MEF2A: variants seen among roughly 807,000 people sequenced by gnomAD.
The protein encoded by MEF2A is myocyte-specific enhancer factor 2A.
In MEF2A, 28 loss-of-function variants were observed where a neutral mutation model predicts 55.8. That is an observed-to-expected ratio of 0.50 (90% CI 0.37 to 0.69). The LOEUF (loss-of-function observed/expected upper bound fraction) is 0.69. Among genes scored for constraint, MEF2A ranks in the 30% least tolerant of loss-of-function variants. The pLI, the probability that MEF2A is intolerant of heterozygous loss-of-function variation, is 0.00. For missense variants in MEF2A, 528 were observed against 626.2 expected, an observed-to-expected ratio of 0.84 and a Z score of 1.67; for synonymous variants, 239 against 227.1, an observed-to-expected ratio of 1.05 and a Z score of -0.47.
chr15:99,587,549 G>T (rs562921970), intron 1 of MEF2A, among the ~76,000 whole-genome samples: 1 of 152,130 alleles, frequency 6.6e-6, no homozygotes, highest in Non-Finnish European at 1.5e-5. Context: ...TATCACAACA[G>T]TATTAACTGA....
intron 2 of MEF2A, among the ~76,000 whole-genome samples, chr15:99,631,198 G>T (rs1454325136): frequency 6.6e-6 from 1 of 152,188 alleles, no homozygotes; most frequent in Non-Finnish European, 1.5e-5. Context: ...GTAGTACACT[G>T]TATCCATCTT....
chr15:99,665,684 A>G (rs767232270), intron 4 of MEF2A, among the ~76,000 whole-genome samples: 85 of 148,290 alleles, frequency 5.7e-4, no homozygotes, highest in East Asian at 2.0e-3. Flanking sequence ...CGATCTATCC[A>G]TCTGACAAAG....
chr15:99,622,201 A>T (rs958370561), intron 2 of MEF2A, among the ~76,000 whole-genome samples: 1 of 152,200 alleles, frequency 6.6e-6, no homozygotes, highest in Non-Finnish European at 1.5e-5. Context: ...AAAACATGAC[A>T]CATTTTTTTC....
At chr15:99,706,677 A>C (rs1296303532) in intron 9 of MEF2A, 52 bp from the exon 10 acceptor site, 1 of 1,584,258 alleles carries the variant, frequency 6.3e-7, no homozygotes, top group Non-Finnish European at 8.7e-7. Flanking sequence ...GTGATTTTTA[A>C]GTCAACATAA....
chr15:99,668,440 A>G (rs906235349), intron 4 of MEF2A, among the ~76,000 whole-genome samples: 9 of 152,216 alleles, frequency 5.9e-5, no homozygotes, highest in Admixed American at 4.6e-4. Flanking sequence ...TTATTTTGGC[A>G]CAATTGAGTT....
In MEF2A at chr15:99,628,963, A is replaced by ATTTTTTT. The variant is rs71149483; in HGVS notation, c.-142-4004_-142-3998dup. Among the ~76,000 whole-genome samples, 642 of 133,710 alleles carry ATTTTTTT rather than the reference A, an allele frequency of 4.8e-3. 5 individuals carry two copies. Among genetic ancestry groups the ATTTTTTT allele is most frequent in the African/African-American group, 0.012 (426 of 35,412 alleles). The allele number at this position is 133,710 out of a possible 152,430, so 87.7% of individuals were successfully genotyped here. A position where few individuals can be genotyped will look rare whatever the true frequency, so the allele number is the denominator to read the frequency against. On this transcript the variant is annotated intron_variant, in intron 2 of 11. Transcript: ENST00000557942. ...TCTATTTTGCCTTCATTTCAGAAGG[A>ATTTTTTT]TTTTTTTTTTTTTTTTTGTCAGATA...
chr15:99,618,974 A>G (rs563583746), intron 2 of MEF2A, among the ~76,000 whole-genome samples: 1 of 152,252 alleles, frequency 6.6e-6, no homozygotes, highest in Non-Finnish European at 1.5e-5. Context: ...TACTGGATCT[A>G]GGAAGATCTA....
intron 3 of MEF2A, among the ~76,000 whole-genome samples, chr15:99,638,085 A>G (rs1442618282): frequency 2.6e-5 from 4 of 152,198 alleles, no homozygotes; most frequent in African/African-American, 9.7e-5. Context: ...AAAAATGTCT[A>G]TTCAAATCCT....
chr15:99,652,201 G>A (rs995512654), intron 4 of MEF2A, among the ~76,000 whole-genome samples: 2 of 152,144 alleles, frequency 1.3e-5, no homozygotes, highest in Admixed American at 1.3e-4. Flanking sequence ...GGTTGGGGGT[G>A]GGAGGAATGT....
chr15:99,624,972 G>C (rs979759694), intron 2 of MEF2A, among the ~76,000 whole-genome samples: 1 of 152,122 alleles, frequency 6.6e-6, no homozygotes, highest in Non-Finnish European at 1.5e-5. Flanking sequence ...TGAAAGTGTT[G>C]AATTAATTAC....
intron 2 of MEF2A, among the ~76,000 whole-genome samples, chr15:99,613,801 G>GC (rs2039713052): frequency 6.6e-6 from 1 of 152,186 alleles, no homozygotes; most frequent in Non-Finnish European, 1.5e-5. Context: ...TTTTAACGGG[G>GC]AACGTATTGA....
At chr15:99,707,910 A>G (rs2058217432) in intron 10 of MEF2A, among the ~76,000 whole-genome samples, 1 of 151,474 alleles carries the variant, frequency 6.6e-6, no homozygotes, top group African/African-American at 2.4e-5. Flanking sequence ...GTTCTTTTAA[A>G]ACAGAATCAA....
At chr15:99,584,123 A>G (rs1349496856) in intron 1 of MEF2A, among the ~76,000 whole-genome samples, 3 of 152,186 alleles carry the variant, frequency 2.0e-5, no homozygotes, top group African/African-American at 7.2e-5. Context: ...ATGGTATAAA[A>G]GATAAAAAAT....
intron 4 of MEF2A, among the ~76,000 whole-genome samples, chr15:99,656,191 G>T (rs1160199781): frequency 6.6e-6 from 1 of 152,090 alleles, no homozygotes; most frequent in East Asian, 1.9e-4. Context: ...AACACTCAGT[G>T]TGTAGGAGGT....
At chr15:99,578,158 C>T (rs367739890) in intron 1 of MEF2A, among the ~76,000 whole-genome samples, 4 of 152,322 alleles carry the variant, frequency 2.6e-5, no homozygotes, top group African/African-American at 9.6e-5. Flanking sequence ...TCTGTGATAC[C>T]TACTACTGTA....
intron 7 of MEF2A, among the ~76,000 whole-genome samples, chr15:99,685,128 A>G (rs2053967577): frequency 6.6e-6 from 1 of 152,112 alleles, no homozygotes; most frequent in African/African-American, 2.4e-5. Flanking sequence ...AAATAATGTG[A>G]TGCCTCCAGA....
chr15:99,703,206 A>G (rs2057623601), intron 8 of MEF2A, among the ~76,000 whole-genome samples, 156 bp from the exon 9 acceptor site: 1 of 152,250 alleles, frequency 6.6e-6, no homozygotes, highest in Non-Finnish European at 1.5e-5. Flanking sequence ...AAGTAGAGAC[A>G]AGTAATTTAT....
At chr15:99,691,651 T>C (rs978668877) in intron 8 of MEF2A, among the ~76,000 whole-genome samples, 2 of 150,802 alleles carry the variant, frequency 1.3e-5, no homozygotes, top group African/African-American at 4.9e-5. Flanking sequence ...TGAGCCGAGA[T>C]CACACCACTG....
At chr15:99,576,739 C>T (rs1327725179) in intron 1 of MEF2A, among the ~76,000 whole-genome samples, 7 of 151,552 alleles carry the variant, frequency 4.6e-5, no homozygotes, top group Admixed American at 4.6e-4. Context: ...CTCCCAGGTT[C>T]ACGCCATTCT....
Sources: allele counts gnomAD v4.1 joint callset (sites outside exome capture counted in the v4.1 genomes callset), GRCh38; gene constraint gnomAD v4.1.1; transcripts MANE v1.5; gene names NCBI Gene and HGNC (gene_info 2026-07-23, HGNC 2026-07-21).